SNX3: variants seen among roughly 807,000 people sequenced by gnomAD.
The protein encoded by SNX3 is sorting nexin 3.
SNX3 carries 5 observed loss-of-function variants against 17.7 expected under a neutral mutation model. That is an observed-to-expected ratio of 0.28 (90% confidence interval 0.15 to 0.59). The LOEUF (loss-of-function observed/expected upper bound fraction) is 0.59, where lower values mean the gene tolerates loss of function less well. Among genes scored for constraint, SNX3 ranks in the 20% least tolerant of loss-of-function variants. The pLI is 0.88. For synonymous variants in SNX3, 91 were observed against 76.5 expected, an observed-to-expected ratio of 1.19 and a Z score of -0.99; for missense variants, 132 against 206.8, an observed-to-expected ratio of 0.64 and a Z score of 2.22.
chr6:108,227,525 G>C (rs946404972), intron 1 of SNX3, among the ~76,000 whole-genome samples: 4 of 152,122 alleles, frequency 2.6e-5, no homozygotes, highest in Non-Finnish European at 5.9e-5. Flanking sequence ...GGAGGGGTGA[G>C]GGGGAAAAGT....
chr6:108,244,450 T>C (rs565251125), intron 1 of SNX3, among the ~76,000 whole-genome samples: 3 of 152,088 alleles, frequency 2.0e-5, no homozygotes, highest in Admixed American at 1.3e-4. Context: ...CCACTGTACC[T>C]GGCCCCTCCA....
At chr6:108,230,357 T>G (rs1775106271) in intron 1 of SNX3, among the ~76,000 whole-genome samples, 1 of 152,190 alleles carries the variant, frequency 6.6e-6, no homozygotes. Context: ...CTGTTCATTT[T>G]ATTTCTTAAC....
intron 2 of SNX3, chr6:108,222,442 C>A: frequency 1.1e-6 from 1 of 894,586 alleles, no homozygotes; most frequent in Non-Finnish European, 1.5e-6. Context: ...GGCAGCAACC[C>A]ATTAGTGGAT....
intron 1 of SNX3, among the ~76,000 whole-genome samples, chr6:108,226,802 C>T (rs1774986020): frequency 6.6e-6 from 1 of 152,088 alleles, no homozygotes; most frequent in Non-Finnish European, 1.5e-5. Context: ...ATGTTGTATA[C>T]CTTACAGCTC....
chr6:108,245,748 T>G (rs1775669172), intron 1 of SNX3, among the ~76,000 whole-genome samples: 1 of 152,262 alleles, frequency 6.6e-6, no homozygotes, highest in Admixed American at 6.5e-5. Context: ...CATAAATGTC[T>G]TCTTTTGAGA....
intron 2 of SNX3, 145 bp from the exon 3 acceptor site, chr6:108,214,767 C>G: frequency 1.2e-6 from 1 of 800,196 alleles, no homozygotes; most frequent in Non-Finnish European, 1.9e-6. Flanking sequence ...AAAAAATACA[C>G]TGAAAAAAGA....
chr6:108,220,361 T>C (rs1166460179), intron 2 of SNX3, among the ~76,000 whole-genome samples: 1 of 151,764 alleles, frequency 6.6e-6, no homozygotes, highest in East Asian at 1.9e-4. Flanking sequence ...AAATCTTCCA[T>C]GCTTTAAAAA....
chr6:108,220,012 A>T (rs1774706173), intron 2 of SNX3, among the ~76,000 whole-genome samples: 1 of 152,198 alleles, frequency 6.6e-6, no homozygotes, highest in African/African-American at 2.4e-5. Context: ...AAAAGTTAAA[A>T]AAATTTAAAT....
rs531482077 is a variant in SNX3, at chr6:108,251,612, C to A, written c.162+9148G>T. 1.2e-4 allele frequency among the ~76,000 whole-genome samples: 19 copies of A among 152,304 alleles called. 1 individual carries two copies. Among genetic ancestry groups the A allele is most frequent in the Admixed American group, 1.2e-3 (18 of 15,298 alleles). Reference sequence around the variant, plus strand: ...TACTAACCCTGGACTGTACCTGAAACCTCTCCATGTGGAGAAAAAAACCAA... The same window carrying A: ...TACTAACCCTGGACTGTACCTGAAAACTCTCCATGTGGAGAAAAAAACCAA... On this transcript the variant is annotated intron_variant, in intron 1 of 3. Transcript: ENST00000230085.
intron 1 of SNX3, among the ~76,000 whole-genome samples, chr6:108,256,047 T>C (rs1047834236): frequency 2.0e-5 from 3 of 151,998 alleles, no homozygotes; most frequent in East Asian, 3.9e-4. Context: ...CTGGGCAACA[T>C]AGTGAGATCT....
chr6:108,248,549 G>A (rs1775759020), intron 1 of SNX3, among the ~76,000 whole-genome samples: 1 of 152,112 alleles, frequency 6.6e-6, no homozygotes, highest in Admixed American at 6.5e-5. Flanking sequence ...ACAATTGATC[G>A]GATGTTTTGA....
chr6:108,246,099 C>T (rs1775679796), intron 1 of SNX3, among the ~76,000 whole-genome samples: 1 of 152,000 alleles, frequency 6.6e-6, no homozygotes, highest in Non-Finnish European at 1.5e-5. Flanking sequence ...TTTAATCCAT[C>T]TGAGTTAATT....
intron 1 of SNX3, among the ~76,000 whole-genome samples, chr6:108,255,614 G>A (rs2114771807): frequency 6.6e-6 from 1 of 152,302 alleles, no homozygotes; most frequent in Non-Finnish European, 1.5e-5. Context: ...GGCCTCCCAA[G>A]TGCTGGGATT....
In SNX3 at chr6:108,236,641, G is replaced by A. The variant is rs529893839; in HGVS notation, c.163-13596C>T. Among the ~76,000 whole-genome samples, 3 of 152,022 alleles carry A rather than the reference G, an allele frequency of 2.0e-5. No individual in the cohort carries two copies. The East Asian group carries it at 5.8e-4, about 29-fold the overall frequency. On this transcript the variant is annotated intron_variant, in intron 1 of 3. Coordinates refer to ENST00000230085, the MANE Select transcript of SNX3 (RefSeq NM_003795.6). Reference sequence around the variant, plus strand: ...CTGACCTCGTGATCCGCCCGCCTCGGCCTCCCAAAGTGCTGGGATTACAGG... The same window carrying A: ...CTGACCTCGTGATCCGCCCGCCTCGACCTCCCAAAGTGCTGGGATTACAGG...
At chr6:108,232,655 C>A (rs1208429567) in intron 1 of SNX3, among the ~76,000 whole-genome samples, 1 of 152,172 alleles carries the variant, frequency 6.6e-6, no homozygotes, top group Non-Finnish European at 1.5e-5. Context: ...AAGAGACTGG[C>A]AACAACATCA....
At chr6:108,214,215 T>G (rs1774496724) in intron 3 of SNX3, among the ~76,000 whole-genome samples, 2 of 152,230 alleles carry the variant, frequency 1.3e-5, no homozygotes, top group Admixed American at 1.3e-4. Flanking sequence ...TAAGTAAAAC[T>G]GTATTTTTTA....
Position 108,212,201 on chromosome 6 carries a change from T to C in SNX3, c.437A>G (p.Gln146Arg). 1.2e-6 allele frequency: 2 copies of C among 1,611,082 alleles called. No individual in the cohort carries two copies. Among genetic ancestry groups the C allele is most frequent in the Non-Finnish European group, 1.7e-6 (2 of 1,179,052 alleles). Residue 146 changes from glutamine to arginine, a missense_variant, in exon 4 of 4, where the codon CAA becomes CGA. Coordinates refer to ENST00000230085, the MANE Select transcript of SNX3 (RefSeq NM_003795.6). ...ATAGCTTTTATCTATTATTTCATCT[T>C]GTAAAAACATGTGAAGACAACGTTC... ...QNERCLHMFL[Q>R]DEIIDKSYTP...
chr6:108,259,209 A>G (rs1255868498), intron 1 of SNX3, among the ~76,000 whole-genome samples: 1 of 152,182 alleles, frequency 6.6e-6, no homozygotes, highest in East Asian at 1.9e-4. Context: ...CAGTTTCCCT[A>G]TGACAACATA....
chr6:108,229,974 C>G (rs1305935666), intron 1 of SNX3, among the ~76,000 whole-genome samples: 6 of 152,126 alleles, frequency 3.9e-5, no homozygotes, highest in African/African-American at 1.4e-4. Context: ...CACAGATGAG[C>G]TGCATGTAGC....
Sources: gnomAD v4.1 joint callset for allele counts (sites outside exome capture counted in the v4.1 genomes callset) on GRCh38, gnomAD v4.1.1 for gene constraint, MANE v1.5 for transcripts, NCBI Gene and HGNC (gene_info 2026-07-23, HGNC 2026-07-21) for gene names.